Variants in ELMO1 observed in about 807,000 individuals in gnomAD.
The protein encoded by ELMO1 is engulfment and cell motility protein 1.
In ELMO1, 26 loss-of-function variants were observed where a neutral mutation model predicts 98.9. The ratio of observed to expected loss-of-function variants is 0.26; its 90% CI spans 0.19 to 0.36. The LOEUF (loss-of-function observed/expected upper bound fraction) is 0.36. ELMO1 is among the 10% of genes least tolerant of loss of function. The pLI, the probability that ELMO1 is intolerant of heterozygous loss-of-function variation, is 1.00. For synonymous variants in ELMO1, 346 were observed against 346.0 expected (o/e 1.00, Z 0.00); for missense variants, 627 against 935.2 (o/e 0.67, Z 4.30).
At chr7:37,265,513 G>A (rs1353018340) in intron 5 of ELMO1, among the ~76,000 whole-genome samples, 2 of 151,962 alleles carry the variant, frequency 1.3e-5, no homozygotes, top group African/African-American at 4.8e-5. Context: ...CGAAAGTGTT[G>A]CCTCCGTTCT....
chr7:37,121,014 G>A (rs559933918), intron 14 of ELMO1, among the ~76,000 whole-genome samples: 37 of 152,312 alleles, frequency 2.4e-4, no homozygotes, highest in African/African-American at 8.2e-4. Flanking sequence ...CAGGCAAACA[G>A]AGTCTGGAGT....
At chr7:37,185,642 A>T (rs532140440) in intron 13 of ELMO1, among the ~76,000 whole-genome samples, 60 of 152,338 alleles carry the variant, frequency 3.9e-4, no homozygotes, top group African/African-American at 1.4e-3. Context: ...GGCTCAAGCC[A>T]GACAAGATTT....
chr7:37,301,150 T>C (rs1265665310), intron 4 of ELMO1, among the ~76,000 whole-genome samples: 1 of 151,988 alleles, frequency 6.6e-6, no homozygotes, highest in Non-Finnish European at 1.5e-5. Flanking sequence ...GACTAGGAAG[T>C]TTTTAAAAAG....
chr7:37,283,668 C>A (rs138725620), intron 4 of ELMO1, among the ~76,000 whole-genome samples: 17 of 152,336 alleles, frequency 1.1e-4, no homozygotes, highest in African/African-American at 3.6e-4. Flanking sequence ...TGGGATCCAC[C>A]ATTATGATTC....
chr7:36,974,793 G>A (rs1790371723), intron 16 of ELMO1, among the ~76,000 whole-genome samples: 1 of 152,154 alleles, frequency 6.6e-6, no homozygotes, highest in Non-Finnish European at 1.5e-5. Context: ...CTGCTTTTAT[G>A]AGCTGTAACA....
intron 1 of ELMO1, among the ~76,000 whole-genome samples, chr7:37,368,079 C>T (rs905373082): frequency 2.0e-5 from 3 of 152,152 alleles, no homozygotes; most frequent in African/African-American, 7.2e-5. Context: ...TCATCATGCT[C>T]AACTGTGAGC....
chr7:37,073,947 C>G (rs1797421111), intron 15 of ELMO1, among the ~76,000 whole-genome samples: 2 of 150,848 alleles, frequency 1.3e-5, no homozygotes, highest in Non-Finnish European at 2.9e-5. Flanking sequence ...CTTATACAGT[C>G]CAGATTTTGT....
intron 16 of ELMO1, among the ~76,000 whole-genome samples, chr7:36,934,386 A>G (rs1056778060): frequency 7.2e-5 from 11 of 152,190 alleles, no homozygotes; most frequent in African/African-American, 2.7e-4. Flanking sequence ...CGGAGGGAAG[A>G]GCGCTGGGCT....
intron 1 of ELMO1, among the ~76,000 whole-genome samples, chr7:37,378,609 A>G (rs1177592312): frequency 6.6e-6 from 1 of 152,156 alleles, no homozygotes; most frequent in Non-Finnish European, 1.5e-5. Context: ...AAAAAAACTA[A>G]TATTTACAGA....
chr7:37,142,168 A>C (rs999100472), intron 13 of ELMO1, among the ~76,000 whole-genome samples: 4 of 152,250 alleles, frequency 2.6e-5, no homozygotes, highest in African/African-American at 9.6e-5. Flanking sequence ...AGTGGGGTCC[A>C]GTCTTAATTG....
chr7:37,049,292 C>T (rs1795972761), intron 15 of ELMO1, among the ~76,000 whole-genome samples: 1 of 152,148 alleles, frequency 6.6e-6, no homozygotes, highest in Non-Finnish European at 1.5e-5. Flanking sequence ...CCCCAAAGGG[C>T]CCCTGGTTCA....
At chr7:37,424,899 G>T (rs1292381663) in intron 1 of ELMO1, among the ~76,000 whole-genome samples, 1 of 151,554 alleles carries the variant, frequency 6.6e-6, no homozygotes, top group Non-Finnish European at 1.5e-5. Context: ...AAACCATTTT[G>T]TTATAGAATG....
At chr7:37,212,596 C>T (rs1169647214) in intron 12 of ELMO1, among the ~76,000 whole-genome samples, 7 of 152,152 alleles carry the variant, frequency 4.6e-5, no homozygotes, top group African/African-American at 1.2e-4. Flanking sequence ...CATTCTTAAC[C>T]GTATGGCCTT....
chr7:37,308,715 C>T lies in ELMO1; in HGVS notation c.192+6135G>A, dbSNP rs764524872. 8.5e-5 allele frequency among the ~76,000 whole-genome samples: 13 copies of T among 152,148 alleles called. No homozygotes were observed. The East Asian group carries it at 2.5e-3, about 29-fold the overall frequency. On this transcript the variant is annotated intron_variant, in intron 4 of 21. Transcript: ENST00000310758. The stretch of plus-strand genomic sequence containing the variant: ...CTCTATTGGATGTGTTCACATGTGG[C>T]TTTTTTCCTCCCAGCATGTCCATTT...
At chr7:37,440,947 G>A (rs1269571358) in intron 1 of ELMO1, among the ~76,000 whole-genome samples, 5 of 151,854 alleles carry the variant, frequency 3.3e-5, no homozygotes, top group Non-Finnish European at 5.9e-5. Context: ...GCTTTCTGAG[G>A]GCCAAGGGTA....
intron 14 of ELMO1, among the ~76,000 whole-genome samples, chr7:37,099,093 T>G (rs151015904): frequency 6.6e-6 from 1 of 152,358 alleles, no homozygotes; most frequent in African/African-American, 2.4e-5. Context: ...TAAGTAGTAA[T>G]TTAAGTAATC....
At chr7:36,904,722 T>C (rs1783830067) in intron 16 of ELMO1, among the ~76,000 whole-genome samples, 1 of 152,186 alleles carries the variant, frequency 6.6e-6, no homozygotes, top group South Asian at 2.1e-4. Context: ...GCAAGCAACA[T>C]CCTTCTCACT....
At chr7:37,358,315 A>C (rs1442641977) in intron 1 of ELMO1, among the ~76,000 whole-genome samples, 1 of 152,192 alleles carries the variant, frequency 6.6e-6, no homozygotes, top group Non-Finnish European at 1.5e-5. Flanking sequence ...GCAAACTTGA[A>C]ACTCAACCTG....
chr7:37,106,440 G>A lies in ELMO1; in HGVS notation c.1192-9713C>T, dbSNP rs546638806. Among the ~76,000 whole-genome samples the A allele has an allele frequency of 7.2e-5, 11 of 152,200 alleles. No individual in the cohort carries two copies. In the South Asian group the frequency reaches 1.0e-3, roughly 14 times the overall value. ...GCTCCTCTCCTCCAGAGGATGCAGC[G>A]CCAAGGTACCATCTTGGAAATAGAG... On this transcript the variant is annotated intron_variant, in intron 14 of 21. Coordinates refer to ENST00000310758, the MANE Select transcript of ELMO1 (RefSeq NM_014800.11).
Sources: allele counts gnomAD v4.1 joint callset (sites outside exome capture counted in the v4.1 genomes callset), GRCh38; gene constraint gnomAD v4.1.1; transcripts MANE v1.5; gene names NCBI Gene and HGNC (gene_info 2026-07-23, HGNC 2026-07-21).